Variants in ANKS1B observed in about 807,000 individuals in gnomAD.
ANKS1B encodes ankyrin repeat and sterile alpha motif domain containing 1B.
A neutral mutation model predicts 148.3 loss-of-function variants in ANKS1B; 36 were observed. The ratio of observed to expected loss-of-function variants is 0.24; its 90% confidence interval spans 0.19 to 0.32. ANKS1B has a LOEUF of 0.32. Among genes scored for constraint, ANKS1B ranks in the 10% least tolerant of loss-of-function variants. The pLI is 1.00. For synonymous variants in ANKS1B, 542 were observed against 560.8 expected (o/e 0.97, Z 0.47); for missense variants, 1,157 against 1,542.6 (o/e 0.75, Z 4.19).
intron 12 of ANKS1B, among the ~76,000 whole-genome samples, chr12:99,349,676 A>G (rs1394928704): frequency 1.3e-5 from 2 of 152,036 alleles, no homozygotes; most frequent in Non-Finnish European, 2.9e-5. Flanking sequence ...CCCAAAATAT[A>G]TAAAGCAAAT....
intron 11 of ANKS1B, among the ~76,000 whole-genome samples, chr12:99,440,467 TG>T (rs903478170): frequency 1.9e-4 from 29 of 151,826 alleles, no homozygotes; most frequent in Admixed American, 1.5e-3. Flanking sequence ...TTCAGGCTTG[TG>T]GGTTAATATA....
At chr12:99,526,805 G>A (rs10860457) in intron 9 of ANKS1B, among the ~76,000 whole-genome samples, 2,664 of 152,270 alleles carry the variant, frequency 0.017, 76 homozygotes, top group South Asian at 0.065. Flanking sequence ...CAAAATTCAC[G>A]TGTCAAAGTC....
At chr12:99,556,631 T>G (rs1254376351) in intron 9 of ANKS1B, among the ~76,000 whole-genome samples, 2 of 152,210 alleles carry the variant, frequency 1.3e-5, no homozygotes, top group Non-Finnish European at 2.9e-5. Flanking sequence ...CCAGAGATTC[T>G]GATATGTTTT....
At chr12:99,771,176 A>AT (rs2063156757) in intron 8 of ANKS1B, among the ~76,000 whole-genome samples, 2 of 152,110 alleles carry the variant, frequency 1.3e-5, no homozygotes, top group South Asian at 4.1e-4. Flanking sequence ...ACGAAAAATA[A>AT]TTAGAGCTTC....
intron 1 of ANKS1B, among the ~76,000 whole-genome samples, chr12:99,959,736 T>C (rs999496259): frequency 1.3e-5 from 2 of 152,194 alleles, no homozygotes; most frequent in Non-Finnish European, 2.9e-5. Context: ...TGAGTAAACA[T>C]TAGTCATAGT....
At chr12:99,886,934 G>A (rs1413968720) in intron 1 of ANKS1B, among the ~76,000 whole-genome samples, 1 of 152,168 alleles carries the variant, frequency 6.6e-6, no homozygotes, top group Non-Finnish European at 1.5e-5. Flanking sequence ...ATGCATAATG[G>A]TAAAAATTCC....
chr12:98,750,223 G>A (rs1468352267), intron 26 of ANKS1B, among the ~76,000 whole-genome samples: 2 of 152,166 alleles, frequency 1.3e-5, no homozygotes, highest in Non-Finnish European at 2.9e-5. Flanking sequence ...GGGGCTCAGA[G>A]CGTGGCATCG....
At chr12:99,983,849 T>C (rs1037845523) in intron 1 of ANKS1B, among the ~76,000 whole-genome samples, 34 of 152,218 alleles carry the variant, frequency 2.2e-4, no homozygotes, top group African/African-American at 7.2e-4. Context: ...GTACAAGTTC[T>C]GCACCAGGGC....
At chr12:99,273,701 G>A (rs552271502) in intron 12 of ANKS1B, among the ~76,000 whole-genome samples, 41 of 150,130 alleles carry the variant, frequency 2.7e-4, no homozygotes, top group East Asian at 2.4e-3. Flanking sequence ...CTGAGCCTCC[G>A]GAGTAGCTGG....
chr12:99,410,720 A>T (rs564245603), intron 11 of ANKS1B, among the ~76,000 whole-genome samples: 47 of 152,228 alleles, frequency 3.1e-4, no homozygotes, highest in African/African-American at 1.1e-3. Context: ...TTCTCTGAGG[A>T]GGTAAAGTTG....
chr12:99,183,307 G>A (rs2079362445), intron 14 of ANKS1B, among the ~76,000 whole-genome samples: 1 of 152,146 alleles, frequency 6.6e-6, no homozygotes, highest in Non-Finnish European at 1.5e-5. Flanking sequence ...GTTTCCCAAA[G>A]TTTTAGAAAT....
intron 12 of ANKS1B, among the ~76,000 whole-genome samples, chr12:99,297,610 C>T (rs1189830887): frequency 6.6e-6 from 1 of 152,148 alleles, no homozygotes; most frequent in Non-Finnish European, 1.5e-5. Flanking sequence ...GGAAAAGTCA[C>T]AACTGAAGAG....
chr12:99,828,313 A>G (rs560285257), intron 1 of ANKS1B, among the ~76,000 whole-genome samples: 134 of 152,240 alleles, frequency 8.8e-4, no homozygotes, highest in African/African-American at 3.0e-3. Flanking sequence ...AAATACTTCA[A>G]CTTAACGCAG....
At chr12:99,299,580 C>G (rs1193937496) in intron 12 of ANKS1B, among the ~76,000 whole-genome samples, 1 of 152,128 alleles carries the variant, frequency 6.6e-6, no homozygotes, top group Non-Finnish European at 1.5e-5. Flanking sequence ...TATCCTGTTG[C>G]TTTCCAGTAA....
intron 1 of ANKS1B, among the ~76,000 whole-genome samples, chr12:99,979,110 A>T (rs906871753): frequency 2.6e-5 from 4 of 152,136 alleles, no homozygotes; most frequent in African/African-American, 9.7e-5. Flanking sequence ...CTCATAAAAG[A>T]TATGTTAAAT....
At chr12:99,590,226 C>A (rs1006794566) in intron 9 of ANKS1B, among the ~76,000 whole-genome samples, 5 of 149,440 alleles carry the variant, frequency 3.3e-5, no homozygotes, top group African/African-American at 1.2e-4. Context: ...AGTGCTCATT[C>A]ATTTAAAACA....
chr12:99,118,544 G>C (rs2061956276), intron 15 of ANKS1B, among the ~76,000 whole-genome samples: 1 of 152,094 alleles, frequency 6.6e-6, no homozygotes, highest in Admixed American at 6.6e-5. Context: ...CTTTCATAAA[G>C]AGGTTTTGGG....
chr12:99,790,574 T>C (rs138735086), intron 4 of ANKS1B, among the ~76,000 whole-genome samples: 54 of 152,036 alleles, frequency 3.6e-4, no homozygotes, highest in African/African-American at 1.2e-3. Context: ...GAGAATGAAA[T>C]AAGACATAAA....
intron 7 of ANKS1B, 124 bp downstream of exon 7, chr12:99,775,424 T>C: frequency 1.9e-6 from 1 of 524,740 alleles, no homozygotes; most frequent in Non-Finnish European, 3.4e-6. Context: ...CCCTAATCAG[T>C]AACAGGAGCT....
Sources: gnomAD v4.1 joint callset for allele counts (sites outside exome capture counted in the v4.1 genomes callset) on GRCh38, gnomAD v4.1.1 for gene constraint, MANE v1.5 for transcripts, NCBI Gene and HGNC (gene_info 2026-07-23, HGNC 2026-07-21) for gene names.